SMYD3: variants seen among roughly 807,000 people sequenced by gnomAD.
SMYD3 encodes the protein SET and MYND domain containing 3, also known as histone-lysine N-methyltransferase SMYD3.
SMYD3 carries 36 observed loss-of-function variants against 57.7 expected under a neutral mutation model. That is an observed-to-expected ratio of 0.62 (90% CI 0.48 to 0.82). SMYD3 has a LOEUF of 0.82. SMYD3 is among the 40% of genes least tolerant of loss of function. The probability of loss-of-function intolerance (pLI) is 0.00; values close to 1 mark genes in which losing one functional copy is unlikely to be tolerated. For synonymous variants in SMYD3, 211 were observed against 195.0 expected, an observed-to-expected ratio of 1.08 and a Z score of -0.68; for missense variants, 515 against 538.8, an observed-to-expected ratio of 0.96 and a Z score of 0.44.
chr1:246,416,554 T>A (rs1159783367), intron 1 of SMYD3, among the ~76,000 whole-genome samples: 44 of 139,250 alleles, frequency 3.2e-4, no homozygotes, highest in African/African-American at 5.9e-4. Context: ...CTGGGAAAAG[T>A]AAAAAAAAAA....
chr1:246,397,362 T>C (rs1160946607), intron 1 of SMYD3, among the ~76,000 whole-genome samples: 12 of 152,136 alleles, frequency 7.9e-5, no homozygotes. Context: ...AAGAAACCAG[T>C]CCCTGGTGCC....
At chr1:246,065,681 C>T (rs2060328652) in intron 5 of SMYD3, among the ~76,000 whole-genome samples, 1 of 152,172 alleles carries the variant, frequency 6.6e-6, no homozygotes, top group Admixed American at 6.5e-5. Flanking sequence ...ACTGTTATCA[C>T]CAAATTCACA....
chr1:246,162,815 T>G (rs1434418068), intron 5 of SMYD3, among the ~76,000 whole-genome samples: 1 of 152,208 alleles, frequency 6.6e-6, no homozygotes, highest in Non-Finnish European at 1.5e-5. Context: ...CACTTGTTAC[T>G]AAATATTTGC....
chr1:246,062,871 A>G (rs2060276954), intron 5 of SMYD3, among the ~76,000 whole-genome samples: 1 of 152,204 alleles, frequency 6.6e-6, no homozygotes, highest in Admixed American at 6.5e-5. Flanking sequence ...TTGAAATAGA[A>G]AACATATAAT....
chr1:245,962,948 T>A (rs1163537329), intron 5 of SMYD3, among the ~76,000 whole-genome samples: 6 of 152,198 alleles, frequency 3.9e-5, no homozygotes, highest in South Asian at 2.1e-4. Flanking sequence ...TAAGCTCTTA[T>A]AAGACTAGAG....
At chr1:246,344,936 G>A (rs957452388) in intron 2 of SMYD3, among the ~76,000 whole-genome samples, 5 of 152,046 alleles carry the variant, frequency 3.3e-5, no homozygotes, top group African/African-American at 7.3e-5. Context: ...TATAAATTCT[G>A]GAAACAACTT....
At chr1:246,373,650 GA>G (rs753406875) in intron 1 of SMYD3, among the ~76,000 whole-genome samples, 4 of 152,072 alleles carry the variant, frequency 2.6e-5, no homozygotes, top group Non-Finnish European at 5.9e-5. Flanking sequence ...TTAAAAAGAA[GA>G]AAAGCTTTTG....
At chr1:246,171,502 T>C (rs1021448669) in intron 5 of SMYD3, among the ~76,000 whole-genome samples, 1 of 152,198 alleles carries the variant, frequency 6.6e-6, no homozygotes, top group Non-Finnish European at 1.5e-5. Flanking sequence ...AATTCATTGT[T>C]AGGTGATTTT....
chr1:245,888,224 T>C (rs932935424), intron 8 of SMYD3, among the ~76,000 whole-genome samples: 7 of 152,220 alleles, frequency 4.6e-5, no homozygotes, highest in Non-Finnish European at 1.0e-4. Flanking sequence ...CACTTAAATA[T>C]ACTAAATTAT....
At chr1:245,751,580 G>GAGAGAGAGAGAA (rs1558299154) in intron 11 of SMYD3, among the ~76,000 whole-genome samples, 1 of 138,688 alleles carries the variant, frequency 7.2e-6, no homozygotes, top group African/African-American at 3.2e-5. Flanking sequence ...GAAAGAGAAA[G>GAGAGAGAGAGAA]AGAGAGAGAG....
chr1:246,277,568 C>T (rs1216691362), intron 5 of SMYD3, among the ~76,000 whole-genome samples: 1 of 152,170 alleles, frequency 6.6e-6, no homozygotes, highest in Non-Finnish European at 1.5e-5. Flanking sequence ...CACCCAAAGA[C>T]TCATACATGA....
intron 8 of SMYD3, among the ~76,000 whole-genome samples, chr1:245,898,725 G>A (rs2053994210): frequency 2.6e-5 from 4 of 152,192 alleles, no homozygotes; most frequent in African/African-American, 9.7e-5. Flanking sequence ...ACTCTAACAG[G>A]ACTTAGGAAA....
chr1:246,421,371 A>T (rs915021142), intron 1 of SMYD3, among the ~76,000 whole-genome samples: 9 of 152,194 alleles, frequency 5.9e-5, no homozygotes, highest in African/African-American at 2.2e-4. Context: ...GAATTTTAAT[A>T]AAAAGATCTC....
chr1:245,801,348 G>A (rs1384073598), intron 10 of SMYD3, among the ~76,000 whole-genome samples: 2 of 152,222 alleles, frequency 1.3e-5, no homozygotes, highest in Non-Finnish European at 2.9e-5. Flanking sequence ...ACAAGACGCT[G>A]ATGAGTGCAT....
intron 10 of SMYD3, among the ~76,000 whole-genome samples, chr1:245,774,387 A>G (rs2046456166): frequency 6.6e-6 from 1 of 152,220 alleles, no homozygotes; most frequent in Non-Finnish European, 1.5e-5. Flanking sequence ...GCAGTTGCAG[A>G]GTGGAAGCTG....
At chr1:246,220,268 G>T (rs6683143) in intron 5 of SMYD3, among the ~76,000 whole-genome samples, 3 of 151,194 alleles carry the variant, frequency 2.0e-5, no homozygotes, top group Non-Finnish European at 4.4e-5. Context: ...AGGAATGGCC[G>T]GGCCTGCACA....
At chr1:246,370,211 C>T (rs4654248) in intron 1 of SMYD3, among the ~76,000 whole-genome samples, 23,713 of 152,122 alleles carry the variant, frequency 0.16, 2,103 homozygotes, top group East Asian at 0.3. Context: ...CATAACGTCC[C>T]GGGTGGATGA....
At position 245,858,149 on chromosome 1, in the gene SMYD3, T is replaced by A. The variant is rs114798242; in HGVS notation, c.1076+347A>T. Among the ~76,000 whole-genome samples, 456 of 152,260 alleles carry A rather than the reference T, an allele frequency of 3.0e-3. 2 individuals carry two copies. The highest frequency in any genetic ancestry group is 1.0e-2 in the African/African-American group (415 of 41,540). ...TCATGACACAGCCTCTCAAGCTAGG[T>A]CTGAGCCTGCGTTCCTCTACAGCTC... On this transcript the variant is annotated intron_variant, in intron 10 of 11. Transcript: ENST00000490107.
intron 1 of SMYD3, among the ~76,000 whole-genome samples, chr1:246,430,565 T>C (rs557684296): frequency 2.6e-5 from 4 of 152,066 alleles, no homozygotes; most frequent in South Asian, 2.1e-4. Context: ...ATCAGAGAGG[T>C]TGGAGAAGAA....
Sources: allele counts gnomAD v4.1 joint callset (sites outside exome capture counted in the v4.1 genomes callset), GRCh38; gene constraint gnomAD v4.1.1; transcripts MANE v1.5; gene names NCBI Gene and HGNC (gene_info 2026-07-23, HGNC 2026-07-21).